The following FAM135B variants were observed in gnomAD, a reference collection of about 807,000 sequenced individuals.
The protein encoded by FAM135B is family with sequence similarity 135 member B.
FAM135B carries 43 observed loss-of-function variants against 127.7 expected under a neutral mutation model. That is an observed-to-expected ratio of 0.34 (90% CI 0.26 to 0.43). The LOEUF (loss-of-function observed/expected upper bound fraction) is 0.43, where lower values mean the gene tolerates loss of function less well. FAM135B is among the 20% of genes least tolerant of loss of function. FAM135B has a pLI of 1.00. For missense variants in FAM135B, 1,558 were observed against 1,725.6 expected (o/e 0.90, Z 1.72); for synonymous variants, 670 against 665.1 (o/e 1.01, Z -0.11).
At chr8:138,335,273 C>T (rs1036407754) in intron 2 of FAM135B, among the ~76,000 whole-genome samples, 3 of 152,088 alleles carry the variant, frequency 2.0e-5, no homozygotes, top group Non-Finnish European at 4.4e-5. Flanking sequence ...AGGAAGAACC[C>T]GCTGCACTCA....
intron 1 of FAM135B, among the ~76,000 whole-genome samples, chr8:138,381,871 G>A (rs1519370): frequency 0.36 from 54,534 of 151,870 alleles, 10,298 homozygotes; most frequent in East Asian, 0.63. Context: ...AGCCAGTGTC[G>A]GGGGAAGGAT....
At chr8:138,386,300 T>C (rs1414420580) in intron 1 of FAM135B, among the ~76,000 whole-genome samples, 1 of 149,796 alleles carries the variant, frequency 6.7e-6, no homozygotes, top group African/African-American at 2.5e-5. Flanking sequence ...AACATGAAAA[T>C]ATCCATGTTT....
chr8:138,282,393 G>A (rs1053492158), intron 3 of FAM135B, among the ~76,000 whole-genome samples: 1 of 152,106 alleles, frequency 6.6e-6, no homozygotes, highest in Non-Finnish European at 1.5e-5. Flanking sequence ...GGAAAGACAA[G>A]CCACAGGCTA....
intron 1 of FAM135B, among the ~76,000 whole-genome samples, chr8:138,397,561 A>C (rs1013765057): frequency 1.3e-5 from 2 of 152,324 alleles, no homozygotes; most frequent in Admixed American, 6.5e-5. Context: ...TGTTATGCAC[A>C]CATCCCATAA....
At chr8:138,296,731 A>G (rs1211246035) in intron 3 of FAM135B, among the ~76,000 whole-genome samples, 1 of 152,130 alleles carries the variant, frequency 6.6e-6, no homozygotes, top group African/African-American at 2.4e-5. Context: ...TATATATTTG[A>G]TTCATCCCAT....
chr8:138,348,085 C>T (rs1424664681), intron 2 of FAM135B, among the ~76,000 whole-genome samples: 1 of 151,410 alleles, frequency 6.6e-6, no homozygotes, highest in Non-Finnish European at 1.5e-5. Context: ...CAAAGTTGCC[C>T]CCCATGCAAC....
intron 1 of FAM135B, among the ~76,000 whole-genome samples, chr8:138,485,539 C>T (rs543519148): frequency 6.6e-6 from 1 of 152,220 alleles, no homozygotes; most frequent in African/African-American, 2.4e-5. Context: ...TATTTTTATG[C>T]AAATTTTATT....
intron 3 of FAM135B, among the ~76,000 whole-genome samples, chr8:138,269,137 G>C (rs1467920085): frequency 3.3e-5 from 5 of 152,120 alleles, no homozygotes; most frequent in Non-Finnish European, 7.4e-5. Context: ...AGACTTTTAG[G>C]TGCTGTAGTT....
intron 1 of FAM135B, among the ~76,000 whole-genome samples, chr8:138,375,177 A>C (rs992775147): frequency 6.6e-6 from 1 of 152,246 alleles, no homozygotes; most frequent in Non-Finnish European, 1.5e-5. Context: ...GCCAGGGACT[A>C]GCAGAATGCA....
At chr8:138,196,343 G>A (rs910902451) in intron 8 of FAM135B, among the ~76,000 whole-genome samples, 1 of 152,196 alleles carries the variant, frequency 6.6e-6, no homozygotes, top group African/African-American at 2.4e-5. Flanking sequence ...GATTCAAAGA[G>A]TAGTGCCTGA....
At chr8:138,370,671 C>T (rs1035347385) in intron 1 of FAM135B, among the ~76,000 whole-genome samples, 1 of 152,070 alleles carries the variant, frequency 6.6e-6, no homozygotes, top group Non-Finnish European at 1.5e-5. Flanking sequence ...AGGATGGTCT[C>T]GATCTCCTGA....
chr8:138,474,901 G>T (rs1351091129), intron 1 of FAM135B, among the ~76,000 whole-genome samples: 2 of 152,120 alleles, frequency 1.3e-5, no homozygotes, highest in Non-Finnish European at 1.5e-5. Context: ...AGCAGTAAAT[G>T]AATAAAGTAA....
In FAM135B at chr8:138,168,741, G is replaced by A. The variant is rs184036981; in HGVS notation, c.1104-692C>T. Reference sequence around the variant, plus strand: ...AAAGTGTGTATTCCCTTCTCATCAAGTTTCTACAGTAGGGGAAGAGTTTAT... The same window carrying A: ...AAAGTGTGTATTCCCTTCTCATCAAATTTCTACAGTAGGGGAAGAGTTTAT... On this transcript the variant is annotated intron_variant, in intron 11 of 19. Transcript: ENST00000395297. 6.6e-5 allele frequency among the ~76,000 whole-genome samples: 10 copies of A among 152,286 alleles called. No homozygotes were observed. In the East Asian group the frequency reaches 1.9e-3, roughly 29 times the overall value.
intron 2 of FAM135B, among the ~76,000 whole-genome samples, chr8:138,360,611 G>T (rs1224887416): frequency 2.6e-5 from 4 of 152,194 alleles, no homozygotes; most frequent in Non-Finnish European, 2.9e-5. Context: ...AGATTACTTG[G>T]CCTGTGCAAT....
At chr8:138,198,938 G>A (rs1240074699) in intron 7 of FAM135B, among the ~76,000 whole-genome samples, 1 of 152,176 alleles carries the variant, frequency 6.6e-6, no homozygotes, top group African/African-American at 2.4e-5. Context: ...GGCCGTGACG[G>A]GAGGAGGCCG....
Position 138,362,028 on chromosome 8 carries a change from C to T in FAM135B, c.77+5879G>A, listed in dbSNP as rs573007955. Among the ~76,000 whole-genome samples, 6 of 152,150 alleles carry T rather than the reference C, an allele frequency of 3.9e-5. No homozygotes were observed. In the South Asian group the frequency reaches 1.0e-3, roughly 26 times the overall value. On this transcript the variant is annotated intron_variant, in intron 2 of 19. Coordinates refer to ENST00000395297, the MANE Select transcript of FAM135B (RefSeq NM_015912.4). ...AGTAGGTACAGATATTTATGGGGCACATAAGATGTTTTAATATAGGCATGC... is the reference window on the plus strand; with the variant it reads ...AGTAGGTACAGATATTTATGGGGCATATAAGATGTTTTAATATAGGCATGC...
chr8:138,271,143 A>G (rs185740082), intron 3 of FAM135B, among the ~76,000 whole-genome samples: 1 of 151,902 alleles, frequency 6.6e-6, no homozygotes, highest in Admixed American at 6.6e-5. Flanking sequence ...TTCTGCTAAC[A>G]GGGCATTGAG....
intron 1 of FAM135B, among the ~76,000 whole-genome samples, chr8:138,477,762 T>C (rs921636609): frequency 3.9e-5 from 6 of 152,206 alleles, no homozygotes; most frequent in African/African-American, 1.2e-4. Flanking sequence ...TTAGTGAAAG[T>C]CTAGTGAATG....
chr8:138,238,837 T>C (rs553856111), intron 7 of FAM135B, among the ~76,000 whole-genome samples: 4 of 152,208 alleles, frequency 2.6e-5, no homozygotes, highest in African/African-American at 2.4e-5. Context: ...TGCACAGCAC[T>C]GAATCTGCAT....
Sources: allele counts gnomAD v4.1 joint callset (sites outside exome capture counted in the v4.1 genomes callset), GRCh38; gene constraint gnomAD v4.1.1; transcripts MANE v1.5; gene names NCBI Gene and HGNC (gene_info 2026-07-23, HGNC 2026-07-21).